Variants in BMPER observed in about 807,000 individuals in gnomAD.
BMPER encodes BMP binding endothelial regulator.
In BMPER, 45 loss-of-function variants were observed where a neutral mutation model predicts 87.3. The ratio of observed to expected loss-of-function variants is 0.52; its 90% CI spans 0.41 to 0.66. The LOEUF is 0.66. Ranked by LOEUF, BMPER falls within the 30% of genes least tolerant of loss-of-function variation. BMPER has a pLI of 0.00. For synonymous variants in BMPER, 326 were observed against 316.2 expected, an observed-to-expected ratio of 1.03 and a Z score of -0.33; for missense variants, 784 against 867.5, an observed-to-expected ratio of 0.90 and a Z score of 1.21.
At chr7:33,989,792 A>G (rs1000541932) in intron 6 of BMPER, among the ~76,000 whole-genome samples, 1 of 152,142 alleles carries the variant, frequency 6.6e-6, no homozygotes, top group Non-Finnish European at 1.5e-5. Context: ...TGATTTTTGT[A>G]TAAGGTGTAA....
At position 33,908,995 on chromosome 7, in the gene BMPER, G is replaced by A. The variant is rs181035645; in HGVS notation, c.219+2092G>A. On this transcript the variant is annotated intron_variant, in intron 2 of 14. Coordinates refer to ENST00000649409, the MANE Select transcript of BMPER (RefSeq NM_001365308.1). ...CATGGATTTCAAAGCACTCCGGACA[G>A]CCAGGAAGCTACTTGGCATTTTTGT... Among the ~76,000 whole-genome samples, 7 of 152,276 alleles carry A rather than the reference G, an allele frequency of 4.6e-5. No homozygotes were observed. In the East Asian group the frequency reaches 1.3e-3, roughly 29 times the overall value.
chr7:33,909,292 G>A (rs1231843783), intron 2 of BMPER, among the ~76,000 whole-genome samples: 2 of 152,248 alleles, frequency 1.3e-5, no homozygotes, highest in African/African-American at 4.8e-5. Flanking sequence ...TGCCTCTAGA[G>A]CACATGCCTA....
intron 2 of BMPER, among the ~76,000 whole-genome samples, chr7:33,934,452 G>A (rs1294326507): frequency 6.8e-6 from 1 of 146,376 alleles, no homozygotes; most frequent in Admixed American, 7.0e-5. Context: ...AACTCCCAGT[G>A]TAATCAGGGG....
At chr7:34,021,180 C>T (rs1005693147) in intron 6 of BMPER, among the ~76,000 whole-genome samples, 2 of 151,966 alleles carry the variant, frequency 1.3e-5, no homozygotes, top group Admixed American at 6.6e-5. Context: ...ATGGCTAGTT[C>T]TTTAACTGAG....
chr7:33,951,925 A>G (rs1785035994), intron 3 of BMPER, among the ~76,000 whole-genome samples: 1 of 152,188 alleles, frequency 6.6e-6, no homozygotes, highest in Non-Finnish European at 1.5e-5. Context: ...AATGTCTACC[A>G]ACGAGTTCTA....
In BMPER at chr7:34,127,598, A is replaced by G. The variant is rs79541764; in HGVS notation, c.1746-15632A>G. 4.9e-3 allele frequency among the ~76,000 whole-genome samples: 737 copies of G among 151,902 alleles called. 6 individuals are homozygous for G. Among genetic ancestry groups the G allele is most frequent in the African/African-American group, 0.016 (656 of 41,416 alleles). On this transcript the variant is annotated intron_variant, in intron 13 of 14. Coordinates refer to ENST00000649409, the MANE Select transcript of BMPER (RefSeq NM_001365308.1). ...CAGTGGGTTTAAATACAAACTCATC[A>G]TCTCTCCTCCGCTCCACCCCGCTCC...
chr7:33,955,247 T>G (rs1312568997), intron 3 of BMPER, among the ~76,000 whole-genome samples: 3 of 152,172 alleles, frequency 2.0e-5, no homozygotes, highest in Non-Finnish European at 4.4e-5. Context: ...ATTTTTCTCT[T>G]TAATCACTTA....
chr7:34,145,831 G>A (rs983443781), intron 14 of BMPER, among the ~76,000 whole-genome samples: 5 of 152,130 alleles, frequency 3.3e-5, no homozygotes, highest in African/African-American at 9.7e-5. Context: ...CGTTGCATTT[G>A]AGGACTACAC....
At chr7:34,065,243 T>TCTCTCTCTCTCC (rs1243528612) in intron 11 of BMPER, among the ~76,000 whole-genome samples, 18 of 130,330 alleles carry the variant, frequency 1.4e-4, no homozygotes, top group African/African-American at 4.6e-4. Context: ...TCTCTCTCTC[T>TCTCTCTCTCTCC]CTCTCCCTCT....
chr7:34,102,740 A>G (rs185072466), intron 13 of BMPER, among the ~76,000 whole-genome samples: 3 of 152,304 alleles, frequency 2.0e-5, no homozygotes, highest in Non-Finnish European at 4.4e-5. Flanking sequence ...TGCTAGGCTC[A>G]GGGGACACAT....
intron 11 of BMPER, among the ~76,000 whole-genome samples, chr7:34,069,424 G>C (rs1788681774): frequency 6.6e-6 from 1 of 152,100 alleles, no homozygotes. Context: ...AACTAACAGC[G>C]ACTTATTGAA....
At chr7:34,140,217 T>A (rs905788096) in intron 13 of BMPER, among the ~76,000 whole-genome samples, 1 of 152,222 alleles carries the variant, frequency 6.6e-6, no homozygotes, top group Non-Finnish European at 1.5e-5. Flanking sequence ...CCATGTGGAC[T>A]GGAGGAGACA....
At chr7:33,999,309 G>A (rs558539204) in intron 6 of BMPER, among the ~76,000 whole-genome samples, 75 of 152,306 alleles carry the variant, frequency 4.9e-4, no homozygotes, top group African/African-American at 1.7e-3. Flanking sequence ...AGAAGATCTT[G>A]CAGCTAGTTT....
intron 13 of BMPER, among the ~76,000 whole-genome samples, chr7:34,135,934 G>C (rs1328250274): frequency 6.6e-6 from 1 of 152,142 alleles, no homozygotes; most frequent in Non-Finnish European, 1.5e-5. Context: ...TACAACCAGA[G>C]AAACAGGCTG....
chr7:33,973,608 C>A (rs1333684098), intron 5 of BMPER, among the ~76,000 whole-genome samples: 1 of 152,218 alleles, frequency 6.6e-6, no homozygotes, highest in Middle Eastern at 3.2e-3. Context: ...ACCAGCTGCT[C>A]CAAGAGCTTG....
intron 6 of BMPER, among the ~76,000 whole-genome samples, chr7:33,991,905 G>A (rs1178667249): frequency 8.5e-5 from 12 of 141,066 alleles, no homozygotes; most frequent in East Asian, 2.1e-4. Context: ...AGGTTGTTCA[G>A]TTTCCATGTA....
At position 34,153,543 on chromosome 7, in the gene BMPER, C is replaced by T; in HGVS notation, c.*270C>T. On this transcript the variant is annotated 3_prime_UTR_variant, in exon 15 of 15. Coordinates refer to ENST00000649409, the MANE Select transcript of BMPER (RefSeq NM_001365308.1). ...CATTGAACATGTTGTATAAATACAC[C>T]AGGTGTTTTTAATTTAATAAGGTGG... is the stretch of plus-strand genomic sequence containing the variant. The T allele has an allele frequency of 2.6e-6, 1 of 387,304 alleles. No homozygotes were observed. The highest frequency in any genetic ancestry group is 3.1e-5 in the South Asian group (1 of 32,310). 24.0% of individuals were successfully genotyped at this position (387,304 alleles called of 1,614,324 possible). A position where few individuals can be genotyped will look rare whatever the true frequency, so the allele number is the denominator to read the frequency against.
chr7:33,934,070 G>A (rs937319484), intron 2 of BMPER, among the ~76,000 whole-genome samples: 1 of 152,262 alleles, frequency 6.6e-6, no homozygotes, highest in Non-Finnish European at 1.5e-5. Context: ...TTGAGTCACA[G>A]TGGTGACACA....
chr7:34,109,577 G>A (rs1789908879), intron 13 of BMPER, among the ~76,000 whole-genome samples: 2 of 152,060 alleles, frequency 1.3e-5, no homozygotes, highest in East Asian at 3.8e-4. Context: ...ACTTTCTCAG[G>A]TTTCTCTACT....
Sources: gnomAD v4.1 joint callset for allele counts (sites outside exome capture counted in the v4.1 genomes callset) on GRCh38, gnomAD v4.1.1 for gene constraint, MANE v1.5 for transcripts, NCBI Gene and HGNC (gene_info 2026-07-23, HGNC 2026-07-21) for gene names.